The following MRPS28 variants were observed in gnomAD, a reference collection of about 807,000 sequenced individuals.
The protein encoded by MRPS28 is mitochondrial ribosomal protein S28.
Under a neutral mutation model 10.8 loss-of-function variants are expected in MRPS28, and 7 were observed. The ratio of observed to expected loss-of-function variants is 0.65; its 90% CI spans 0.37 to 1.22. The LOEUF is 1.22. Ranked by LOEUF, MRPS28 falls within the 50% of genes most tolerant of loss-of-function variation. The pLI is 0.02. For synonymous variants in MRPS28, 121 were observed against 93.3 expected (o/e 1.30, Z -1.71); for missense variants, 265 against 232.9 (o/e 1.14, Z -0.90).
chr8:79,968,738 G>GTTCAA (rs1807560670), intron 2 of MRPS28, among the ~76,000 whole-genome samples: 1 of 151,318 alleles, frequency 6.6e-6, no homozygotes, highest in Admixed American at 6.6e-5. Flanking sequence ...AAAAGAATCA[G>GTTCAA]TTCAATTGTC....
At chr8:80,007,993 A>G (rs1047719908) in intron 1 of MRPS28, among the ~76,000 whole-genome samples, 4 of 152,154 alleles carry the variant, frequency 2.6e-5, no homozygotes, top group African/African-American at 7.2e-5. Context: ...GAACAAAGCT[A>G]GAGGCATCAA....
At chr8:80,002,905 T>C (rs1586088853) in intron 2 of MRPS28, 94 bp downstream of exon 2, 1 of 1,071,208 alleles carries the variant, frequency 9.3e-7, no homozygotes, top group Non-Finnish European at 1.3e-6. Flanking sequence ...ATGTTTTCTG[T>C]CTTTTCAAAA....
rs77443807 is a variant in MRPS28, at chr8:80,000,128, C to T, written c.395+2871G>A. Among the ~76,000 whole-genome samples the T allele has an allele frequency of 4.0e-3, 608 of 152,284 alleles. 5 individuals carry two copies. The highest frequency in any genetic ancestry group is 0.014 in the African/African-American group (568 of 41,546). On this transcript the variant is annotated intron_variant, in intron 2 of 2. Coordinates refer to ENST00000276585, the MANE Select transcript of MRPS28 (RefSeq NM_014018.3). ...TACCAGTCTTTACAACAGTACCTGG[C>T]AAATTGAAGAGGTCTAGTAAGTATT...
At position 80,001,195 on chromosome 8, in the gene MRPS28, C is replaced by T. The variant is rs139282502; in HGVS notation, c.395+1804G>A. On this transcript the variant is annotated intron_variant, in intron 2 of 2. Transcript: ENST00000276585. Reference sequence around the variant, plus strand: ...GCTTGTAAGAATAAGACAGGCACTGCGATGGACAGCATCCATGGTAGATGA... The same window carrying T: ...GCTTGTAAGAATAAGACAGGCACTGTGATGGACAGCATCCATGGTAGATGA... Among the ~76,000 whole-genome samples the T allele has an allele frequency of 8.1e-4, 124 of 152,226 alleles. No individual in the cohort carries two copies. The East Asian group carries it at 9.1e-3, about 11-fold the overall frequency.
chr8:79,919,937 T>TACCTCCC (rs1554567137), intron 2 of MRPS28, among the ~76,000 whole-genome samples: 2 of 102,166 alleles, frequency 2.0e-5, no homozygotes, highest in African/African-American at 4.0e-5. Context: ...CCTAATGCTA[T>TACCTCCC]CCCTCCCCCC....
intron 2 of MRPS28, among the ~76,000 whole-genome samples, chr8:79,947,992 C>CTT (rs1193631175): frequency 1.6e-5 from 2 of 121,624 alleles, no homozygotes; most frequent in African/African-American, 3.0e-5. Flanking sequence ...TTTTTTTCTT[C>CTT]TTTTTTTTTT....
intron 1 of MRPS28, among the ~76,000 whole-genome samples, chr8:80,018,561 T>C (rs1404670103): frequency 6.6e-6 from 1 of 152,104 alleles, no homozygotes; most frequent in Non-Finnish European, 1.5e-5. Flanking sequence ...ACAACCACTC[T>C]GAAAAACAGT....
intron 2 of MRPS28, among the ~76,000 whole-genome samples, chr8:79,997,842 G>A (rs989177368): frequency 3.9e-5 from 6 of 152,020 alleles, no homozygotes; most frequent in East Asian, 1.9e-4. Context: ...ATCACTTGAC[G>A]CCAGGAGTTC....
intron 2 of MRPS28, among the ~76,000 whole-genome samples, chr8:79,932,785 G>A (rs1007184398): frequency 2.0e-5 from 3 of 152,158 alleles, no homozygotes; most frequent in African/African-American, 4.8e-5. Flanking sequence ...CCACATTCCC[G>A]GCAGCCAGAT....
chr8:79,959,258 A>G (rs1454549309), intron 2 of MRPS28, among the ~76,000 whole-genome samples: 1 of 152,144 alleles, frequency 6.6e-6, no homozygotes, highest in Non-Finnish European at 1.5e-5. Context: ...TGTATTAAGT[A>G]ATGTTCAAAG....
intron 1 of MRPS28, chr8:80,029,803 G>C (rs528190242): frequency 6.6e-7 from 1 of 1,525,238 alleles, no homozygotes; most frequent in Admixed American, 2.0e-5. Flanking sequence ...GCGCAGTGTG[G>C]ACAGACCCGG....
intron 2 of MRPS28, among the ~76,000 whole-genome samples, chr8:79,942,310 G>A (rs1806791449): frequency 6.6e-6 from 1 of 152,178 alleles, no homozygotes; most frequent in African/African-American, 2.4e-5. Context: ...GTACTTTGGG[G>A]TGAAAATAAA....
At chr8:80,025,059 A>G (rs1809462082) in intron 1 of MRPS28, among the ~76,000 whole-genome samples, 1 of 152,240 alleles carries the variant, frequency 6.6e-6, no homozygotes, top group African/African-American at 2.4e-5. Flanking sequence ...TTCATCTTCA[A>G]AAAGAATATT....
At position 80,003,160 on chromosome 8, in the gene MRPS28, T is replaced by G; in HGVS notation, c.234A>C (p.Glu78Asp). 1 of 1,586,030 alleles carries G rather than the reference T, an allele frequency of 6.3e-7. No homozygotes were observed. The highest frequency in any genetic ancestry group is 8.5e-7 in the Non-Finnish European group (1 of 1,171,720). ...PLQKGSPKNV[E>D]SFASMLRHSP... ...AATGTCTCAGCATAGATGCAAAGGA[T>G]TCCACATTTTTTGGAGAACCCTAAA... is the stretch of plus-strand genomic sequence containing the variant. Residue 78 changes from glutamate (E) to aspartate (D), a missense_variant, in exon 2 of 3, where the codon GAA becomes GAC. Coordinates refer to ENST00000276585, the MANE Select transcript of MRPS28 (RefSeq NM_014018.3).
intron 1 of MRPS28, among the ~76,000 whole-genome samples, chr8:80,008,321 T>G (rs1808924554): frequency 6.6e-6 from 1 of 151,908 alleles, no homozygotes; most frequent in South Asian, 2.1e-4. Context: ...ATAAAAACCC[T>G]AGAAGAAAAC....
At chr8:79,932,076 C>T (rs1806478233) in intron 2 of MRPS28, among the ~76,000 whole-genome samples, 1 of 152,176 alleles carries the variant, frequency 6.6e-6, no homozygotes. Context: ...AGTTTGTTCA[C>T]TGGTTCATTC....
At chr8:79,973,460 C>T (rs1302838170) in intron 2 of MRPS28, among the ~76,000 whole-genome samples, 3 of 151,998 alleles carry the variant, frequency 2.0e-5, no homozygotes, top group African/African-American at 4.8e-5. Flanking sequence ...TGAGCACAGC[C>T]TGGGCAACAT....
intron 2 of MRPS28, among the ~76,000 whole-genome samples, chr8:79,943,434 A>T (rs116664026): frequency 2.2e-3 from 335 of 152,368 alleles, no homozygotes; most frequent in African/African-American, 7.0e-3. Context: ...ACACAGAAAC[A>T]AAACCTTACT....
At chr8:80,025,457 C>T (rs147697629) in intron 1 of MRPS28, among the ~76,000 whole-genome samples, 71 of 152,140 alleles carry the variant, frequency 4.7e-4, no homozygotes, top group African/African-American at 1.5e-3. Flanking sequence ...CTTGTAAGTA[C>T]GCAAAAAATG....
Sources: gnomAD v4.1 joint callset for allele counts (sites outside exome capture counted in the v4.1 genomes callset) on GRCh38, gnomAD v4.1.1 for gene constraint, MANE v1.5 for transcripts, NCBI Gene and HGNC (gene_info 2026-07-23, HGNC 2026-07-21) for gene names.